Variants in ZC3H12C observed in about 807,000 individuals in gnomAD.
ZC3H12C encodes zinc finger CCCH-type containing 12C.
Under a neutral mutation model 76.3 loss-of-function variants are expected in ZC3H12C, and 20 were observed. The observed-to-expected ratio is 0.26, with a 90% CI of 0.18 to 0.38. ZC3H12C has a LOEUF of 0.38. Among genes scored for constraint, ZC3H12C ranks in the 10% least tolerant of loss-of-function variants. The pLI is 1.00. For synonymous variants in ZC3H12C, 352 were observed against 399.6 expected (o/e 0.88, Z 1.42); for missense variants, 874 against 1,086.5 (o/e 0.80, Z 2.75).
intron 3 of ZC3H12C, among the ~76,000 whole-genome samples, chr11:110,154,239 G>A (rs887757590): frequency 3.9e-5 from 6 of 152,022 alleles, no homozygotes; most frequent in African/African-American, 1.4e-4. Context: ...CAGGTGTGGT[G>A]GCATGTGCTG....
At chr11:110,152,801 A>T in intron 2 of ZC3H12C, 118 bp from the exon 3 acceptor site, 2 of 1,164,280 alleles carry the variant, frequency 1.7e-6, no homozygotes, top group Non-Finnish European at 2.4e-6. Flanking sequence ...ACTCCATTTT[A>T]ACTCTGACGT....
Position 110,164,848 on chromosome 11 carries a change from G to T in ZC3H12C, c.1763G>T (p.Gly588Val). Residue 588 changes from glycine to valine, a missense_variant, in exon 6 of 6, where the codon GGA becomes GTA. By Grantham distance (109) the Gly-to-Val change is moderately radical. Transcript: ENST00000278590. This position sits in a 1 kb window ranked among gnomAD's most constrained non-coding sequence, Gnocchi z 5.7. ...YPKCDSPVDI[G>V]YYSMLNAYSN... ...AAATGTGACTCACCTGTCGACATCG[G>T]ATATTATTCCATGTTGAATGCATAC... The T allele has an allele frequency of 6.2e-7, 1 of 1,614,002 alleles. No individual in the cohort carries two copies. Among genetic ancestry groups the T allele is most frequent in the Non-Finnish European group, 8.5e-7 (1 of 1,179,904 alleles).
intron 1 of ZC3H12C, among the ~76,000 whole-genome samples, chr11:110,115,195 C>T (rs1861502436): frequency 6.6e-6 from 1 of 152,124 alleles, no homozygotes; most frequent in African/African-American, 2.4e-5. Flanking sequence ...CAGCCTCGCA[C>T]TCCTGGGCTC....
intron 2 of ZC3H12C, among the ~76,000 whole-genome samples, chr11:110,151,363 A>C (rs2134189831): frequency 6.6e-6 from 1 of 152,332 alleles, no homozygotes; most frequent in Non-Finnish European, 1.5e-5. Flanking sequence ...TTAAATGCTC[A>C]ACTCTCAGTA....
intron 1 of ZC3H12C, among the ~76,000 whole-genome samples, chr11:110,115,372 G>C (rs1046485276): frequency 6.6e-6 from 1 of 152,140 alleles, no homozygotes. Context: ...GCGTGATCTT[G>C]GCTCACTGCA....
At chr11:110,146,251 G>A (rs1215056753) in intron 2 of ZC3H12C, among the ~76,000 whole-genome samples, 2 of 152,270 alleles carry the variant, frequency 1.3e-5, no homozygotes, top group South Asian at 2.1e-4. Context: ...GCCTCCCAAG[G>A]TGCTAGAATT....
intron 1 of ZC3H12C, among the ~76,000 whole-genome samples, chr11:110,103,662 G>A (rs1861261609): frequency 2.0e-5 from 3 of 151,738 alleles, no homozygotes; most frequent in African/African-American, 7.3e-5. Context: ...CTGGAGTGCA[G>A]TGGTGCGAAC....
intron 1 of ZC3H12C, among the ~76,000 whole-genome samples, chr11:110,132,352 C>T (rs1861883506): frequency 6.6e-6 from 1 of 151,980 alleles, no homozygotes; most frequent in African/African-American, 2.4e-5. Flanking sequence ...TAGTGAATAG[C>T]CATTATGTTG....
At chr11:110,124,915 C>A (rs919076951) in intron 1 of ZC3H12C, among the ~76,000 whole-genome samples, 1 of 151,702 alleles carries the variant, frequency 6.6e-6, no homozygotes, top group Non-Finnish European at 1.5e-5. Context: ...TTAAGATAAT[C>A]TAAGCCTGGG....
intron 1 of ZC3H12C, among the ~76,000 whole-genome samples, chr11:110,117,991 C>T (rs867299800): frequency 4.7e-5 from 6 of 127,862 alleles, no homozygotes; most frequent in African/African-American, 1.8e-4. Context: ...TATATATATA[C>T]ACACATATAT....
Position 110,136,649 on chromosome 11 carries a change from A to T in ZC3H12C, c.22-14A>T, listed in dbSNP as rs1371153108. The T allele has an allele frequency of 6.3e-7, 1 of 1,599,018 alleles. No homozygotes were observed. The highest frequency in any genetic ancestry group is 8.5e-7 in the Non-Finnish European group (1 of 1,174,206). ...ATAACTATGAAATTCTAAATATTTT[A>T]CATTTTTCTCTAGGAATACGGGGTG... is the stretch of plus-strand genomic sequence containing the variant. On this transcript the variant is annotated splice_polypyrimidine_tract_variant and intron_variant, in intron 1 of 5. Coordinates refer to ENST00000278590, the MANE Select transcript of ZC3H12C (RefSeq NM_033390.2).
At chr11:110,150,405 G>T (rs1165880072) in intron 2 of ZC3H12C, among the ~76,000 whole-genome samples, 1 of 151,818 alleles carries the variant, frequency 6.6e-6, no homozygotes, top group African/African-American at 2.4e-5. Context: ...AGATCTGTAT[G>T]GCTTTTATTA....
At chr11:110,107,735 G>T (rs1861357343) in intron 1 of ZC3H12C, among the ~76,000 whole-genome samples, 1 of 151,782 alleles carries the variant, frequency 6.6e-6, no homozygotes, top group Non-Finnish European at 1.5e-5. Flanking sequence ...CATGTTGGCT[G>T]GACTGGTCTC....
At chr11:110,120,149 G>A (rs1207438020) in intron 1 of ZC3H12C, among the ~76,000 whole-genome samples, 3 of 152,136 alleles carry the variant, frequency 2.0e-5, no homozygotes, top group African/African-American at 7.2e-5. Flanking sequence ...TCTTACTGTA[G>A]CCTCAGTGTT....
chr11:110,142,629 G>C (rs983887274), intron 2 of ZC3H12C, among the ~76,000 whole-genome samples: 1 of 152,004 alleles, frequency 6.6e-6, no homozygotes, highest in Non-Finnish European at 1.5e-5. Context: ...TACTGCTGTT[G>C]AGCTCATAAC....
chr11:110,105,458 A>C (rs1282337060), intron 1 of ZC3H12C, among the ~76,000 whole-genome samples: 1 of 152,202 alleles, frequency 6.6e-6, no homozygotes, highest in Non-Finnish European at 1.5e-5. Context: ...ATGAAAAAAT[A>C]GTTTCAAATG....
intron 1 of ZC3H12C, among the ~76,000 whole-genome samples, chr11:110,133,140 G>A (rs1323275511): frequency 6.6e-6 from 1 of 152,010 alleles, no homozygotes; most frequent in Non-Finnish European, 1.5e-5. Flanking sequence ...CCAAATTCTG[G>A]GTTGTTTTTA....
chr11:110,127,931 G>C (rs1035137686), intron 1 of ZC3H12C, among the ~76,000 whole-genome samples: 8 of 151,168 alleles, frequency 5.3e-5, no homozygotes, highest in African/African-American at 1.7e-4. Flanking sequence ...ATTAAAGAGA[G>C]TGGTCCCAGG....
At position 110,137,220 on chromosome 11, in the gene ZC3H12C, T is replaced by C. The variant is rs772024289; in HGVS notation, c.579T>C (p.Asn193=). Residue 193 remains asparagine, a synonymous_variant, in exon 2 of 6, where the codon AAT becomes AAC. Coordinates refer to ENST00000278590, the MANE Select transcript of ZC3H12C (RefSeq NM_033390.2). ...LNKLGTDALI[N]DILGELVKLG... is the part of the protein sequence containing the mutation. ...AACTTGGTACTGATGCTTTAATCAA[T>C]GATATTTTGGGAGAACTTGTCAAAC... 2 of 1,613,806 alleles carry C rather than the reference T, an allele frequency of 1.2e-6. No homozygotes were observed. Among genetic ancestry groups the C allele is most frequent in the African/African-American group, 1.3e-5 (1 of 74,924 alleles).
Sources: gnomAD v4.1 joint callset for allele counts (sites outside exome capture counted in the v4.1 genomes callset) on GRCh38, gnomAD v4.1.1 for gene constraint, Gnocchi (gnomAD v3.1) non-coding constraint, MANE v1.5 for transcripts, NCBI Gene and HGNC (gene_info 2026-07-23, HGNC 2026-07-21) for gene names.